PPM1E: variants seen among roughly 807,000 people sequenced by gnomAD.
The protein encoded by PPM1E is protein phosphatase 1E.
In PPM1E, 20 loss-of-function variants were observed where a neutral mutation model predicts 65.9. The observed-to-expected ratio is 0.30, with a 90% CI of 0.21 to 0.44. The LOEUF is 0.44. Ranked by LOEUF, PPM1E falls within the 20% of genes least tolerant of loss-of-function variation. PPM1E has a pLI of 1.00. For missense variants in PPM1E, 713 were observed against 953.1 expected (o/e 0.75, Z 3.32); for synonymous variants, 352 against 374.9 (o/e 0.94, Z 0.70).
chr17:58,904,276 G>A (rs2051530062), intron 1 of PPM1E, among the ~76,000 whole-genome samples: 1 of 152,158 alleles, frequency 6.6e-6, no homozygotes, highest in African/African-American at 2.4e-5. Context: ...AATTTGAGTT[G>A]AAAGAGGTTA....
intron 1 of PPM1E, among the ~76,000 whole-genome samples, chr17:58,795,978 T>C (rs1352991191): frequency 2.0e-5 from 3 of 152,158 alleles, no homozygotes; most frequent in South Asian, 2.1e-4. Context: ...CGTTCTGTAG[T>C]TTGTCTGTTT....
At chr17:58,898,874 C>T (rs1300481260) in intron 1 of PPM1E, among the ~76,000 whole-genome samples, 4 of 151,920 alleles carry the variant, frequency 2.6e-5, no homozygotes, top group Admixed American at 6.6e-5. Flanking sequence ...TGGATGAAGC[C>T]GGAAACCATC....
chr17:58,903,327 T>C (rs1419493677), intron 1 of PPM1E, among the ~76,000 whole-genome samples: 1 of 152,186 alleles, frequency 6.6e-6, no homozygotes, highest in Non-Finnish European at 1.5e-5. Flanking sequence ...GAAGTAGGAT[T>C]CAGGTCACAA....
intron 1 of PPM1E, among the ~76,000 whole-genome samples, chr17:58,829,064 C>A (rs537738824): frequency 1.3e-5 from 2 of 150,990 alleles, no homozygotes; most frequent in Non-Finnish European, 3.0e-5. Flanking sequence ...TTTTTTGAGA[C>A]GGAGTTTCAC....
chr17:58,797,672 T>C (rs2143036949), intron 1 of PPM1E, among the ~76,000 whole-genome samples: 1 of 152,352 alleles, frequency 6.6e-6, no homozygotes, highest in African/African-American at 2.4e-5. Flanking sequence ...AAAGCTCCTA[T>C]GAACATTCTC....
intron 1 of PPM1E, 91 bp from the exon 2 acceptor site, chr17:58,955,558 A>G (rs1598675642): frequency 1.4e-6 from 2 of 1,418,030 alleles, no homozygotes; most frequent in East Asian, 2.5e-5. Flanking sequence ...TTTTGAGACA[A>G]TGTTATAATT....
intron 1 of PPM1E, among the ~76,000 whole-genome samples, chr17:58,919,189 G>A (rs1320639215): frequency 6.6e-6 from 1 of 152,138 alleles, no homozygotes; most frequent in Non-Finnish European, 1.5e-5. Context: ...GATAGGAATA[G>A]TCATTGTATG....
chr17:58,836,456 T>C (rs1598601669), intron 1 of PPM1E, among the ~76,000 whole-genome samples: 1 of 150,014 alleles, frequency 6.7e-6, no homozygotes, highest in Admixed American at 6.6e-5. Flanking sequence ...ATCCTGTCTT[T>C]ACAAAAAAAA....
chr17:58,872,813 A>G (rs1174789582), intron 1 of PPM1E, among the ~76,000 whole-genome samples: 3 of 145,996 alleles, frequency 2.1e-5, no homozygotes, highest in African/African-American at 7.4e-5. Flanking sequence ...GGGTTGTAAC[A>G]TTTTTCCATA....
At chr17:58,790,116 T>C (rs574861131) in intron 1 of PPM1E, among the ~76,000 whole-genome samples, 2 of 152,316 alleles carry the variant, frequency 1.3e-5, no homozygotes, top group East Asian at 3.9e-4. Flanking sequence ...TATGGTTCCT[T>C]AGCGTGATCA....
At chr17:58,891,243 G>A (rs2051340578) in intron 1 of PPM1E, among the ~76,000 whole-genome samples, 1 of 152,106 alleles carries the variant, frequency 6.6e-6, no homozygotes, top group African/African-American at 2.4e-5. Context: ...TGGGATTACA[G>A]GCATGAGCCA....
chr17:58,969,670 C>T lies in PPM1E; in HGVS notation c.915C>T (p.Ala305=), dbSNP rs758248057. The T allele has an allele frequency of 1.2e-6, 2 of 1,614,026 alleles. No homozygotes were observed. Among genetic ancestry groups the T allele is most frequent in the African/African-American group, 2.7e-5 (2 of 74,926 alleles). ...TGTTCCCCCATGATCCTGCTGAGGC[C>T]CTGTGCAGGGCCTTCCGGGTCACTG... ...QEMFPHDPAE[A]LCRAFRVTDE... The change falls in exon 4 of 7, where the codon GCC becomes GCT. Residue 305 remains alanine, a synonymous_variant. Coordinates refer to ENST00000308249, the MANE Select transcript of PPM1E (RefSeq NM_014906.5).
rs1397680803 is a variant in PPM1E, at chr17:58,934,752, C to T, written c.465-20897C>T. The stretch of plus-strand genomic sequence containing the variant: ...GACCAGCCTGGCCAACATGGTGAAA[C>T]CCCATGTCTACTAAAAATACAAAAA... On this transcript the variant is annotated intron_variant, in intron 1 of 6. Coordinates refer to ENST00000308249, the MANE Select transcript of PPM1E (RefSeq NM_014906.5). 2.0e-5 allele frequency among the ~76,000 whole-genome samples: 3 copies of T among 152,010 alleles called. No individual in the cohort carries two copies. In the East Asian group the frequency reaches 5.8e-4, roughly 29 times the overall value.
chr17:58,802,758 A>G (rs1401180333), intron 1 of PPM1E, among the ~76,000 whole-genome samples: 1 of 152,044 alleles, frequency 6.6e-6, no homozygotes, highest in African/African-American at 2.4e-5. Flanking sequence ...TCTTTGGTTA[A>G]ATTTGTTCCT....
At chr17:58,932,412 T>G (rs1452004996) in intron 1 of PPM1E, among the ~76,000 whole-genome samples, 3 of 152,140 alleles carry the variant, frequency 2.0e-5, no homozygotes, top group African/African-American at 4.8e-5. Context: ...GAGGTTGCAG[T>G]GAGCCAAGAT....
chr17:58,899,989 G>A (rs1307055329), intron 1 of PPM1E, among the ~76,000 whole-genome samples: 9 of 150,362 alleles, frequency 6.0e-5, no homozygotes, highest in Admixed American at 5.3e-4. Flanking sequence ...GAGGCCAGGA[G>A]TTCAAGACCA....
intron 1 of PPM1E, among the ~76,000 whole-genome samples, chr17:58,903,704 T>C (rs2051523578): frequency 6.6e-6 from 1 of 152,198 alleles, no homozygotes; most frequent in Admixed American, 6.5e-5. Flanking sequence ...TATTGAGTTC[T>C]TAGAAGGAAG....
At chr17:58,816,390 A>G (rs531632321) in intron 1 of PPM1E, among the ~76,000 whole-genome samples, 1 of 152,182 alleles carries the variant, frequency 6.6e-6, no homozygotes, top group South Asian at 2.1e-4. Flanking sequence ...CATAAAATAT[A>G]TATAACATAA....
intron 1 of PPM1E, among the ~76,000 whole-genome samples, chr17:58,762,005 G>A (rs1242538460): frequency 6.6e-6 from 1 of 152,208 alleles, no homozygotes; most frequent in Non-Finnish European, 1.5e-5. Context: ...CTGATTTCAT[G>A]TGAAGCATGG....
Sources: gnomAD v4.1 joint callset for allele counts (sites outside exome capture counted in the v4.1 genomes callset) on GRCh38, gnomAD v4.1.1 for gene constraint, MANE v1.5 for transcripts, NCBI Gene and HGNC (gene_info 2026-07-23, HGNC 2026-07-21) for gene names.